The following ZNF385D variants were observed in gnomAD, a reference collection of about 807,000 sequenced individuals.
ZNF385D encodes zinc finger protein 385D, also known as zinc finger protein 659.
A neutral mutation model predicts 35.8 loss-of-function variants in ZNF385D; 15 were observed. That is an observed-to-expected ratio of 0.42 (90% CI 0.28 to 0.64). The LOEUF (loss-of-function observed/expected upper bound fraction) is 0.64, where lower values mean the gene tolerates loss of function less well. Ranked by LOEUF, ZNF385D falls within the 30% of genes least tolerant of loss-of-function variation. The pLI is 0.23. For missense variants in ZNF385D, 474 were observed against 494.6 expected (o/e 0.96, Z 0.39); for synonymous variants, 212 against 186.8 (o/e 1.13, Z -1.10).
chr3:21,644,045 G>A (rs566855593), intron 2 of ZNF385D, among the ~76,000 whole-genome samples: 24 of 152,188 alleles, frequency 1.6e-4, no homozygotes, highest in African/African-American at 4.6e-4. Flanking sequence ...CAAGATTTAG[G>A]TATAGTAACT....
intron 3 of ZNF385D, among the ~76,000 whole-genome samples, chr3:21,818,029 G>C (rs2073229731): frequency 6.6e-6 from 1 of 152,106 alleles, no homozygotes; most frequent in South Asian, 2.1e-4. Flanking sequence ...TCCTTTGTAG[G>C]GACATGGATG....
chr3:21,464,870 T>A (rs569379018), intron 4 of ZNF385D, among the ~76,000 whole-genome samples: 1 of 151,816 alleles, frequency 6.6e-6, no homozygotes, highest in Non-Finnish European at 1.5e-5. Context: ...CATTTGAAAA[T>A]GAGATATTAC....
intron 5 of ZNF385D, among the ~76,000 whole-genome samples, chr3:21,430,622 CT>C (rs1468710327): frequency 6.6e-6 from 1 of 152,168 alleles, no homozygotes; most frequent in African/African-American, 2.4e-5. Context: ...ATCCAGAAAG[CT>C]TTTTTTATCC....
chr3:22,344,278 C>A (rs1440053491), intron 2 of ZNF385D, among the ~76,000 whole-genome samples: 1 of 151,790 alleles, frequency 6.6e-6, no homozygotes, highest in Non-Finnish European at 1.5e-5. Context: ...GATAAAATTT[C>A]ATCTCTACTC....
chr3:21,969,746 C>G (rs1046231375), intron 3 of ZNF385D, among the ~76,000 whole-genome samples: 3 of 152,116 alleles, frequency 2.0e-5, no homozygotes, highest in African/African-American at 7.2e-5. Flanking sequence ...AGGCCTTGGG[C>G]AGGACTCACT....
intron 2 of ZNF385D, among the ~76,000 whole-genome samples, chr3:21,566,208 G>T (rs2063141016): frequency 6.6e-6 from 1 of 152,136 alleles, no homozygotes; most frequent in African/African-American, 2.4e-5. Flanking sequence ...AGAACTCATG[G>T]GCGTAATCAT....
At chr3:21,778,713 A>G (rs1423518041) in intron 3 of ZNF385D, among the ~76,000 whole-genome samples, 4 of 151,988 alleles carry the variant, frequency 2.6e-5, no homozygotes, top group Non-Finnish European at 4.4e-5. Flanking sequence ...AATTAAAATA[A>G]TTTAAAAAAT....
At chr3:21,752,618 GGTGA>G (rs746970106), upstream of ZNF385D, among the ~76,000 whole-genome samples, 9 of 151,974 alleles carry the variant, frequency 5.9e-5, no homozygotes, top group East Asian at 5.8e-4. Context: ...TAAAGAATTT[GGTGA>G]GTGAAAGTAG....
At chr3:21,904,231 G>C (rs1374997392) in intron 3 of ZNF385D, among the ~76,000 whole-genome samples, 1 of 148,220 alleles carries the variant, frequency 6.7e-6, no homozygotes, top group Non-Finnish European at 1.5e-5. Context: ...TTGAACCCAG[G>C]AGGCGGAGGT....
intron 2 of ZNF385D, among the ~76,000 whole-genome samples, chr3:22,288,092 G>C (rs888164781): frequency 2.0e-5 from 3 of 151,756 alleles, no homozygotes; most frequent in Non-Finnish European, 4.4e-5. Flanking sequence ...ACTTCTTTAT[G>C]ATTGCAATGT....
At chr3:22,083,745 C>T (rs1266212780) in intron 3 of ZNF385D, among the ~76,000 whole-genome samples, 1 of 152,164 alleles carries the variant, frequency 6.6e-6, no homozygotes, top group African/African-American at 2.4e-5. Context: ...CACAAAGATA[C>T]TCCTCAAGAA....
chr3:21,965,467 T>C (rs1024766285), intron 3 of ZNF385D, among the ~76,000 whole-genome samples: 1 of 150,900 alleles, frequency 6.6e-6, no homozygotes, highest in Non-Finnish European at 1.5e-5. Flanking sequence ...AAAAATCTAA[T>C]ATCAGAAAAA....
chr3:22,246,598 T>G (rs942108419), intron 2 of ZNF385D, among the ~76,000 whole-genome samples: 1 of 152,166 alleles, frequency 6.6e-6, no homozygotes, highest in African/African-American at 2.4e-5. Flanking sequence ...TTTATAAAAT[T>G]TGATGTTAGT....
Position 22,028,717 on chromosome 3 carries a change from C to T in ZNF385D, c.325+140100G>A, listed in dbSNP as rs145260705. ...CACACAGCATTGCCTCAGACCAAGGCATTCACTTTATGGCTAAAGAAGTGT... is the reference window on the plus strand; with the variant it reads ...CACACAGCATTGCCTCAGACCAAGGTATTCACTTTATGGCTAAAGAAGTGT... On this transcript the variant is annotated intron_variant, in intron 3 of 5. Coordinates refer to the ZNF385D transcript ENST00000494108. Among the ~76,000 whole-genome samples, 151 of 152,286 alleles carry T rather than the reference C, an allele frequency of 9.9e-4. 1 individual carries two copies. The highest frequency in any genetic ancestry group is 3.6e-3 in the African/African-American group (148 of 41,542).
upstream of ZNF385D, among the ~76,000 whole-genome samples, chr3:21,752,014 T>TCC (rs1321937942): frequency 1.7e-3 from 124 of 72,220 alleles, 5 homozygotes; most frequent in South Asian, 4.1e-3. Flanking sequence ...CCCACCCCCC[T>TCC]CCCCCCCCCA....
rs1196345712 is a variant in ZNF385D, at chr3:21,970,443, T to C, written c.325+198374A>G. On this transcript the variant is annotated intron_variant, in intron 3 of 5. Transcript: ENST00000494108. Reference sequence around the variant, plus strand: ...GCATTAGGGTCTCTTAACAGCAGAATTGATCAAGCAAAAGAAATAAATAGT... The same window carrying C: ...GCATTAGGGTCTCTTAACAGCAGAACTGATCAAGCAAAAGAAATAAATAGT... 2.6e-5 allele frequency among the ~76,000 whole-genome samples: 4 copies of C among 151,162 alleles called. No homozygotes were observed. The South Asian group carries it at 6.2e-4, about 24-fold the overall frequency.
chr3:21,542,041 G>T (rs2125564390), intron 3 of ZNF385D, among the ~76,000 whole-genome samples: 1 of 152,268 alleles, frequency 6.6e-6, no homozygotes, highest in Non-Finnish European at 1.5e-5. Flanking sequence ...ATTTGGGGAT[G>T]TTTGACAATA....
intron 3 of ZNF385D, among the ~76,000 whole-genome samples, chr3:22,160,402 T>G (rs1257123223): frequency 6.6e-6 from 1 of 152,060 alleles, no homozygotes; most frequent in Non-Finnish European, 1.5e-5. Flanking sequence ...TGAGACAAAT[T>G]TATATATAAA....
chr3:22,322,422 A>C (rs1204083504), intron 2 of ZNF385D, among the ~76,000 whole-genome samples: 1 of 152,158 alleles, frequency 6.6e-6, no homozygotes, highest in African/African-American at 2.4e-5. Context: ...ACTGTCCTCT[A>C]TCTCCCAGTA....
Sources: allele counts gnomAD v4.1 joint callset (sites outside exome capture counted in the v4.1 genomes callset), GRCh38; gene constraint gnomAD v4.1.1; transcripts MANE v1.5; gene names NCBI Gene and HGNC (gene_info 2026-07-23, HGNC 2026-07-21).